Variants in FSTL5 observed in about 807,000 individuals in gnomAD.
FSTL5 encodes the protein follistatin-related protein 5.
Under a neutral mutation model 89.1 loss-of-function variants are expected in FSTL5, and 62 were observed. That is an observed-to-expected ratio of 0.70 (90% CI 0.57 to 0.86). The LOEUF (loss-of-function observed/expected upper bound fraction) is 0.86, where lower values mean the gene tolerates loss of function less well. FSTL5 is among the 40% of genes least tolerant of loss of function. The pLI is 0.00. For synonymous variants in FSTL5, 383 were observed against 346.2 expected, an observed-to-expected ratio of 1.11 and a Z score of -1.18; for missense variants, 1,057 against 1,001.6, an observed-to-expected ratio of 1.06 and a Z score of -0.75.
chr4:162,058,145 A>C (rs115747967), intron 2 of FSTL5, among the ~76,000 whole-genome samples: 28 of 152,180 alleles, frequency 1.8e-4, no homozygotes, highest in African/African-American at 6.5e-4. Context: ...TATAAGGGTG[A>C]GTGTGGGTAA....
At chr4:162,118,177 G>T (rs1731717641) in intron 1 of FSTL5, among the ~76,000 whole-genome samples, 1 of 152,088 alleles carries the variant, frequency 6.6e-6, no homozygotes, top group African/African-American at 2.4e-5. Flanking sequence ...TTCATCTATT[G>T]AGACACTTTA....
chr4:162,017,623 C>T (rs1017578994), intron 3 of FSTL5, among the ~76,000 whole-genome samples: 7 of 152,032 alleles, frequency 4.6e-5, no homozygotes, highest in African/African-American at 9.7e-5. Flanking sequence ...TCACGTTGTT[C>T]GTTTATTTTC....
chr4:161,852,180 AATAT>A (rs10566216), intron 4 of FSTL5, among the ~76,000 whole-genome samples: 113,332 of 150,880 alleles, frequency 0.75, 42,778 homozygotes, highest in East Asian at 0.82. Context: ...GTAGATATAA[AATAT>A]ATATATATAT....
rs947710047 is a variant in FSTL5, at chr4:162,150,720, G to A, written c.-17+12895C>T. On this transcript the variant is annotated intron_variant, in intron 1 of 15. Transcript: ENST00000306100. ...CCATTGCTAGTCTGAATGTATTGATGTAATCATCATGGAAAATAATATGAC... is the reference window on the plus strand; with the variant it reads ...CCATTGCTAGTCTGAATGTATTGATATAATCATCATGGAAAATAATATGAC... Among the ~76,000 whole-genome samples the A allele has an allele frequency of 2.6e-5, 4 of 152,238 alleles. No individual in the cohort carries two copies. The East Asian group carries it at 7.7e-4, about 29-fold the overall frequency.
intron 3 of FSTL5, among the ~76,000 whole-genome samples, chr4:161,962,541 C>A (rs1285133261): frequency 6.8e-6 from 1 of 147,270 alleles, no homozygotes; most frequent in Non-Finnish European, 1.5e-5. Flanking sequence ...ATCTGTGATT[C>A]TTTTTTTTTT....
intron 4 of FSTL5, among the ~76,000 whole-genome samples, chr4:161,851,495 C>T (rs1218192861): frequency 6.6e-6 from 1 of 151,792 alleles, no homozygotes; most frequent in African/African-American, 2.4e-5. Context: ...TGATAAACTG[C>T]CAAAATGAAA....
intron 3 of FSTL5, among the ~76,000 whole-genome samples, chr4:162,021,052 T>C (rs146986839): frequency 1.9e-3 from 288 of 152,248 alleles, no homozygotes; most frequent in African/African-American, 6.6e-3. Context: ...TTTTATATTG[T>C]TCAAGTTGTT....
At chr4:162,059,548 T>C (rs903825506) in intron 2 of FSTL5, among the ~76,000 whole-genome samples, 2 of 152,188 alleles carry the variant, frequency 1.3e-5, no homozygotes, top group African/African-American at 4.8e-5. Flanking sequence ...ATATCATCAG[T>C]ATCTTCAAGG....
At chr4:161,820,789 C>A (rs765282103) in intron 4 of FSTL5, among the ~76,000 whole-genome samples, 1 of 152,046 alleles carries the variant, frequency 6.6e-6, no homozygotes, top group African/African-American at 2.4e-5. Flanking sequence ...ACCACCAGCT[C>A]TACAGAAATA....
chr4:161,712,480 A>G (rs1207470908), intron 6 of FSTL5, among the ~76,000 whole-genome samples: 2 of 152,164 alleles, frequency 1.3e-5, no homozygotes. Flanking sequence ...GGTCTTATCT[A>G]CAGAAATAAA....
At chr4:161,725,648 A>G (rs1040947359) in intron 6 of FSTL5, among the ~76,000 whole-genome samples, 2 of 152,098 alleles carry the variant, frequency 1.3e-5, no homozygotes, top group African/African-American at 4.8e-5. Context: ...CAAGTTTTCA[A>G]TTTTGTCTAA....
At chr4:161,779,658 C>T (rs562146723) in intron 4 of FSTL5, among the ~76,000 whole-genome samples, 1 of 150,606 alleles carries the variant, frequency 6.6e-6, no homozygotes. Context: ...CTTTATTTCT[C>T]TCATTTTCAG....
intron 4 of FSTL5, among the ~76,000 whole-genome samples, chr4:161,832,786 T>A (rs1730891705): frequency 6.6e-6 from 1 of 151,656 alleles, no homozygotes; most frequent in African/African-American, 2.4e-5. Flanking sequence ...TCTTTATTAG[T>A]CTTGCTAGCG....
In FSTL5 at chr4:161,967,847, CA is replaced by C. The variant is rs796379569; in HGVS notation, c.161-47196del. ...GATTAAAATGCTGACTGAGGAATCT[CA>C]AATATCATAATTAAAGAAATGTCTC... is the stretch of plus-strand genomic sequence containing the variant. On this transcript the variant is annotated intron_variant, in intron 3 of 15. Transcript: ENST00000306100. Among the ~76,000 whole-genome samples, 141 of 152,054 alleles carry C rather than the reference CA, an allele frequency of 9.3e-4. 1 individual carries two copies. The highest frequency in any genetic ancestry group is 3.3e-3 in the African/African-American group (136 of 41,534).
chr4:161,753,425 T>TA, intron 6 of FSTL5, among the ~76,000 whole-genome samples: 1 of 152,162 alleles, frequency 6.6e-6, no homozygotes. Context: ...CAATTCAAGT[T>TA]AATTCTGTTC....
intron 10 of FSTL5, among the ~76,000 whole-genome samples, chr4:161,527,404 G>C (rs1165023128): frequency 1.3e-5 from 2 of 152,092 alleles, no homozygotes; most frequent in Admixed American, 6.6e-5. Flanking sequence ...ATCTGACAAA[G>C]GGCTAATAGC....
intron 1 of FSTL5, among the ~76,000 whole-genome samples, chr4:162,134,474 A>G (rs564693807): frequency 2.7e-4 from 41 of 152,354 alleles, no homozygotes; most frequent in African/African-American, 9.9e-4. Flanking sequence ...CCACCTGAGA[A>G]TATTTCAAAA....
At chr4:161,822,747 C>A (rs1730531147) in intron 4 of FSTL5, among the ~76,000 whole-genome samples, 1 of 152,142 alleles carries the variant, frequency 6.6e-6, no homozygotes, top group Non-Finnish European at 1.5e-5. Flanking sequence ...CTCTTTCAGG[C>A]CCGCATTCAG....
chr4:161,926,405 TTG>T (rs1491044928), intron 3 of FSTL5, among the ~76,000 whole-genome samples: 8 of 10,520 alleles, frequency 7.6e-4, no homozygotes, highest in Non-Finnish European at 2.1e-3. Flanking sequence ...TTTTTTTTTT[TTG>T]TTTTGTTTTT....
Sources: gnomAD v4.1 joint callset for allele counts (sites outside exome capture counted in the v4.1 genomes callset) on GRCh38, gnomAD v4.1.1 for gene constraint, MANE v1.5 for transcripts, NCBI Gene and HGNC (gene_info 2026-07-23, HGNC 2026-07-21) for gene names.